The following BACH2 variants were observed in gnomAD, a reference collection of about 807,000 sequenced individuals.
BACH2 encodes the protein BACH transcriptional regulator 2, also known as transcription regulator protein BACH2.
BACH2 carries 5 observed loss-of-function variants against 61.8 expected under a neutral mutation model. That is an observed-to-expected ratio of 0.08 (90% confidence interval 0.04 to 0.17). The LOEUF (loss-of-function observed/expected upper bound fraction) is 0.17, where lower values mean the gene tolerates loss of function less well. BACH2 is among the 10% of genes least tolerant of loss of function. BACH2 has a pLI of 1.00. For synonymous variants in BACH2, 446 were observed against 440.1 expected (o/e 1.01, Z -0.17); for missense variants, 824 against 1,091.1 (o/e 0.76, Z 3.45).
At chr6:90,110,435 A>G (rs963384318) in intron 4 of BACH2, among the ~76,000 whole-genome samples, 1 of 152,182 alleles carries the variant, frequency 6.6e-6, no homozygotes, top group Non-Finnish European at 1.5e-5. Context: ...ATACTTGTTC[A>G]CTAAGTTCGG....
chr6:90,097,174 G>A (rs1410937770), intron 4 of BACH2, among the ~76,000 whole-genome samples: 1 of 152,224 alleles, frequency 6.6e-6, no homozygotes, highest in African/African-American at 2.4e-5. Context: ...GTGGAACAGA[G>A]GAGAGAGAAA....
rs570050671 is a variant in BACH2 at position 90,156,506 on chromosome 6, G to A, written c.-162+50063C>T. Reference sequence around the variant, plus strand: ...GTTACTTAGCTGCCCCACTCTCATGGTTTACTTCAGGGGAGCATTGTACAA... The same window carrying A: ...GTTACTTAGCTGCCCCACTCTCATGATTTACTTCAGGGGAGCATTGTACAA... On this transcript the variant is annotated intron_variant, in intron 4 of 8. Coordinates refer to ENST00000257749, the MANE Select transcript of BACH2 (RefSeq NM_021813.4). Among the ~76,000 whole-genome samples the A allele has an allele frequency of 3.3e-5, 5 of 152,276 alleles. No homozygotes were observed. The East Asian group carries it at 9.7e-4, about 29-fold the overall frequency.
At chr6:89,972,496 C>G (rs984486146) in intron 6 of BACH2, among the ~76,000 whole-genome samples, 1 of 152,116 alleles carries the variant, frequency 6.6e-6, no homozygotes, top group Non-Finnish European at 1.5e-5. Flanking sequence ...ACCCCATTGA[C>G]GAAAACAAGG....
At chr6:90,075,037 A>G (rs1781410600) in intron 5 of BACH2, among the ~76,000 whole-genome samples, 1 of 152,172 alleles carries the variant, frequency 6.6e-6, no homozygotes, top group African/African-American at 2.4e-5. Context: ...CTCAAAAGAT[A>G]CAGTTTGACA....
In BACH2 at chr6:89,950,291, A is replaced by G; in HGVS notation, c.1815T>C (p.Pro605=). The G allele has an allele frequency of 1.2e-6, 2 of 1,614,156 alleles. No homozygotes were observed. The highest frequency in any genetic ancestry group is 8.5e-7 in the Non-Finnish European group (1 of 1,180,024). Residue 605 remains proline (P), a synonymous_variant, in exon 7 of 9, where the codon CCT becomes CCC. Coordinates refer to ENST00000257749, the MANE Select transcript of BACH2 (RefSeq NM_021813.4). The surrounding 1 kb of genome is among the most constrained non-coding windows in gnomAD (Gnocchi z 5.3). ...SFSEADSESC[P]VQDRGQEVKL... The stretch of plus-strand genomic sequence containing the variant: ...CTACCTCCTGGCCCCTGTCCTGCAC[A>G]GGACACGACTCACTGTCTGCTTCCG...
chr6:90,156,280 C>T (rs1366865581), intron 4 of BACH2, among the ~76,000 whole-genome samples: 1 of 152,188 alleles, frequency 6.6e-6, no homozygotes, highest in East Asian at 1.9e-4. Context: ...GCAACACTTC[C>T]ACTGCATCTT....
intron 5 of BACH2, among the ~76,000 whole-genome samples, chr6:90,041,084 G>A (rs973920283): frequency 6.6e-6 from 1 of 152,066 alleles, no homozygotes; most frequent in Non-Finnish European, 1.5e-5. Flanking sequence ...TACTGCACAG[G>A]CTAAGTACGT....
intron 4 of BACH2, among the ~76,000 whole-genome samples, chr6:90,205,408 G>A (rs1329692056): frequency 6.6e-6 from 1 of 152,150 alleles, no homozygotes; most frequent in African/African-American, 2.4e-5. Flanking sequence ...CCTTCCACTT[G>A]TGCAGCAGTT....
intron 4 of BACH2, among the ~76,000 whole-genome samples, chr6:90,177,036 AT>A (rs1220915467): frequency 2.0e-5 from 3 of 152,122 alleles, no homozygotes; most frequent in African/African-American, 7.2e-5. Context: ...TTAAAATATT[AT>A]TTCATGGGTC....
In BACH2 at chr6:90,078,221, C is replaced by T. The variant is rs76486726; in HGVS notation, c.-13+10740G>A. 5.8e-3 allele frequency among the ~76,000 whole-genome samples: 875 copies of T among 152,150 alleles called. 48 individuals are homozygous for T. In the East Asian group the frequency reaches 0.13, roughly 23 times the overall value. ...ATTTCCACCTGAAATATTTTTTTAGCCTTACTTGATTACAACATTAGCACT... is the reference window on the plus strand; with the variant it reads ...ATTTCCACCTGAAATATTTTTTTAGTCTTACTTGATTACAACATTAGCACT... On this transcript the variant is annotated intron_variant, in intron 5 of 8. Coordinates refer to ENST00000257749, the MANE Select transcript of BACH2 (RefSeq NM_021813.4).
intron 5 of BACH2, among the ~76,000 whole-genome samples, chr6:90,028,805 T>C (rs527922990): frequency 6.6e-6 from 1 of 152,346 alleles, no homozygotes; most frequent in African/African-American, 2.4e-5. Context: ...ATTCTGACTC[T>C]GTCATTCACT....
chr6:90,174,899 C>T (rs1161987560), intron 4 of BACH2, among the ~76,000 whole-genome samples: 2 of 148,438 alleles, frequency 1.3e-5, no homozygotes, highest in African/African-American at 2.5e-5. Flanking sequence ...ATATGTGGTA[C>T]ATATGTAGTA....
Position 90,283,054 on chromosome 6 carries a change from G to A in BACH2, c.-445-11113C>T, listed in dbSNP as rs565797915. On this transcript the variant is annotated intron_variant, in intron 1 of 8. Coordinates refer to ENST00000257749, the MANE Select transcript of BACH2 (RefSeq NM_021813.4). ...TAAAATTTCTGCCAATCCAGAGAGT[G>A]TGTAATCATATGTTACTATGATTTT... Among the ~76,000 whole-genome samples, 3 of 152,326 alleles carry A rather than the reference G, an allele frequency of 2.0e-5. No homozygotes were observed. In the East Asian group the frequency reaches 5.8e-4, roughly 29 times the overall value.
At chr6:90,051,769 C>A (rs986131081) in intron 5 of BACH2, among the ~76,000 whole-genome samples, 1 of 151,938 alleles carries the variant, frequency 6.6e-6, no homozygotes, top group Non-Finnish European at 1.5e-5. Flanking sequence ...AACAAACCTG[C>A]ACGTTCAGCA....
chr6:90,271,360 C>T (rs1225290407), intron 2 of BACH2, among the ~76,000 whole-genome samples: 1 of 110,102 alleles, frequency 9.1e-6, no homozygotes, highest in Non-Finnish European at 1.9e-5. Context: ...TAAAAACAAC[C>T]CCATTTAAAA....
chr6:90,219,321 G>A lies in BACH2; in HGVS notation c.-274-12640C>T, dbSNP rs370449432. On this transcript the variant is annotated intron_variant, in intron 3 of 8. Coordinates refer to ENST00000257749, the MANE Select transcript of BACH2 (RefSeq NM_021813.4). ...CCTGGCTCTGAAAGCTATTTCTCCC[G>A]ACCATTAACCATATGTTTGGCTCCT... 2.1e-4 allele frequency among the ~76,000 whole-genome samples: 32 copies of A among 152,244 alleles called. 2 individuals carry two copies. The highest frequency in any genetic ancestry group is 6.7e-4 in the African/African-American group (28 of 41,544).
intron 5 of BACH2, chr6:90,080,885 G>T: frequency 1.6e-6 from 1 of 613,938 alleles, no homozygotes; most frequent in Non-Finnish European, 2.0e-6. Context: ...AGATGTCTCA[G>T]AAAATCTTTT....
At chr6:90,084,432 T>A (rs1781845353) in intron 5 of BACH2, among the ~76,000 whole-genome samples, 1 of 152,092 alleles carries the variant, frequency 6.6e-6, no homozygotes, top group Admixed American at 6.6e-5. Context: ...TCCATGCCCT[T>A]TCAACTCAAG....
At chr6:90,009,498 T>C (rs1777593180) in intron 5 of BACH2, among the ~76,000 whole-genome samples, 1 of 152,246 alleles carries the variant, frequency 6.6e-6, no homozygotes. Flanking sequence ...TGCTCAGCTC[T>C]TAGAAAGATG....
Sources: gnomAD v4.1 joint callset for allele counts (sites outside exome capture counted in the v4.1 genomes callset) on GRCh38, gnomAD v4.1.1 for gene constraint, Gnocchi (gnomAD v3.1) non-coding constraint, MANE v1.5 for transcripts, NCBI Gene and HGNC (gene_info 2026-07-23, HGNC 2026-07-21) for gene names.